FLRT2: variants seen among roughly 807,000 people sequenced by gnomAD.
The protein encoded by FLRT2 is fibronectin leucine rich transmembrane protein 2, also known as leucine-rich repeat transmembrane protein FLRT2.
A neutral mutation model predicts 40.0 loss-of-function variants in FLRT2; 15 were observed. The ratio of observed to expected loss-of-function variants is 0.38; its 90% CI spans 0.25 to 0.58. FLRT2 has a LOEUF of 0.58. Among genes scored for constraint, FLRT2 ranks in the 20% least tolerant of loss-of-function variants. The probability of loss-of-function intolerance (pLI) is 0.71; values close to 1 mark genes in which losing one functional copy is unlikely to be tolerated. For missense variants in FLRT2, 726 were observed against 840.0 expected, an observed-to-expected ratio of 0.86 and a Z score of 1.68; for synonymous variants, 380 against 336.8, an observed-to-expected ratio of 1.13 and a Z score of -1.41.
rs1362053310 is a variant in FLRT2, at chr14:85,643,357, TCC to T, written c.*19861_*19862del. The T allele has an allele frequency of 9.5e-5, 12 of 126,386 alleles. No individual in the cohort carries two copies. Among genetic ancestry groups the T allele is most frequent in the South Asian group, 2.9e-4 (1 of 3,472 alleles). The allele number at this position is 126,386 out of a possible 1,614,324, so 7.8% of individuals were successfully genotyped here. ...TTTCTTTCTTTCTTTCTTTCTTTCT[TCC>T]TTCCTTCCTTCCTTCCTTTCTTTCC... On this transcript the variant is annotated 3_prime_UTR_variant, in exon 2 of 2. Coordinates refer to ENST00000330753, the MANE Select transcript of FLRT2 (RefSeq NM_013231.6).
rs1312534765 is a variant in FLRT2, at chr14:85,646,066, A to T, written c.*22569A>T. 1 of 152,202 alleles carries T rather than the reference A, an allele frequency of 6.6e-6. No individual in the cohort carries two copies. Among genetic ancestry groups the T allele is most frequent in the African/African-American group, 2.4e-5 (1 of 41,452 alleles). The allele number at this position is 152,202 out of a possible 1,614,324, so 9.4% of individuals were successfully genotyped here. The stretch of plus-strand genomic sequence containing the variant: ...CTGTTTACTTACTTAATGGGACATT[A>T]TTATGGTGACCCATACAACATCACT... On this transcript the variant is annotated 3_prime_UTR_variant, in exon 2 of 2. Transcript: ENST00000330753.
At position 85,624,530 on chromosome 14, in the gene FLRT2, T is replaced by G. The variant is rs1893582624; in HGVS notation, c.*1033T>G. 6.0e-6 allele frequency: 1 copy of G among 167,064 alleles called. No individual in the cohort carries two copies. The highest frequency in any genetic ancestry group is 6.5e-5 in the Admixed American group (1 of 15,282). The allele number at this position is 167,064 out of a possible 1,614,324, so 10.3% of individuals were successfully genotyped here. A position where few individuals can be genotyped will look rare whatever the true frequency, so the allele number is the denominator to read the frequency against. On this transcript the variant is annotated 3_prime_UTR_variant, in exon 2 of 2. Transcript: ENST00000330753. ...ATTTAAAAATTACCCTTCCTGCTAT[T>G]TAGACAAAAACAACTGATCAGTGGT...
chr14:85,553,414 T>A (rs536138956), intron 1 of FLRT2, among the ~76,000 whole-genome samples: 1 of 152,228 alleles, frequency 6.6e-6, no homozygotes, highest in African/African-American at 2.4e-5. Flanking sequence ...TGGGGCCATA[T>A]TGGAAGAAGA....
chr14:85,542,978 C>G (rs188779283), intron 1 of FLRT2, among the ~76,000 whole-genome samples: 2 of 152,330 alleles, frequency 1.3e-5, no homozygotes, highest in Admixed American at 6.5e-5. Context: ...CTTGACCTAT[C>G]TACCTGAATT....
intron 1 of FLRT2, among the ~76,000 whole-genome samples, chr14:85,547,303 T>C (rs1889331811): frequency 6.8e-6 from 1 of 147,520 alleles, no homozygotes; most frequent in Non-Finnish European, 1.5e-5. Context: ...TACCAAATAC[T>C]TTGTCTTTCT....
intron 1 of FLRT2, among the ~76,000 whole-genome samples, chr14:85,588,017 G>A (rs982601392): frequency 4.0e-5 from 6 of 151,500 alleles, no homozygotes; most frequent in Admixed American, 1.3e-4. Context: ...CCGCAATCTC[G>A]GCCTCCCGGG....
intron 1 of FLRT2, among the ~76,000 whole-genome samples, chr14:85,557,823 T>C (rs1890064528): frequency 6.6e-6 from 1 of 151,236 alleles, no homozygotes; most frequent in South Asian, 2.1e-4. Context: ...TTTCAATAAA[T>C]AAATAAATTA....
intron 1 of FLRT2, among the ~76,000 whole-genome samples, chr14:85,580,908 T>C (rs1891359498): frequency 6.6e-6 from 1 of 152,180 alleles, no homozygotes; most frequent in South Asian, 2.1e-4. Context: ...AAGTACCTGG[T>C]GTACATCCTA....
chr14:85,622,597 C>T lies in FLRT2; in HGVS notation c.1083C>T (p.Pro361=), dbSNP rs376847848. Residue 361 remains proline (P), a synonymous_variant, in exon 2 of 2, where the codon CCC becomes CCT. Transcript: ENST00000330753. The stretch of plus-strand genomic sequence containing the variant: ...TAAATATGAATCTTTTGTCCTGTCC[C>T]ACCACGACCCCCGGCCTGCCTCTCT... ...RELNMNLLSC[P]TTTPGLPLFT... The T allele has an allele frequency of 9.2e-5, 148 of 1,613,404 alleles. No homozygotes were observed. The highest frequency in any genetic ancestry group is 1.3e-4 in the Non-Finnish European group (148 of 1,179,946).
intron 1 of FLRT2, among the ~76,000 whole-genome samples, chr14:85,589,759 T>C (rs1321616408): frequency 6.6e-6 from 1 of 152,200 alleles, no homozygotes; most frequent in Non-Finnish European, 1.5e-5. Flanking sequence ...GATTTAAGTC[T>C]TTGATAGATT....
intron 1 of FLRT2, among the ~76,000 whole-genome samples, chr14:85,597,296 C>T (rs946258918): frequency 1.3e-5 from 2 of 152,134 alleles, no homozygotes; most frequent in Non-Finnish European, 2.9e-5. Flanking sequence ...ATATACAATA[C>T]TCCATACATA....
intron 1 of FLRT2, among the ~76,000 whole-genome samples, chr14:85,610,470 G>A (rs375334609): frequency 7.9e-5 from 12 of 152,092 alleles, no homozygotes; most frequent in Non-Finnish European, 1.3e-4. Flanking sequence ...TTTCATTGCC[G>A]TGAGAATAGA....
At chr14:85,615,242 T>C (rs1160943903) in intron 1 of FLRT2, among the ~76,000 whole-genome samples, 1 of 152,208 alleles carries the variant, frequency 6.6e-6, no homozygotes, top group Non-Finnish European at 1.5e-5. Flanking sequence ...GTAGTGAAAG[T>C]GTCTTCAATT....
Position 85,637,802 on chromosome 14 carries a change from G to C in FLRT2, c.*14305G>C, listed in dbSNP as rs1894045585. The C allele has an allele frequency of 6.6e-6, 1 of 152,066 alleles. No homozygotes were observed. Among genetic ancestry groups the C allele is most frequent in the African/African-American group, 2.4e-5 (1 of 41,390 alleles). The allele number at this position is 152,066 out of a possible 1,614,324, so 9.4% of individuals were successfully genotyped here. On this transcript the variant is annotated 3_prime_UTR_variant, in exon 2 of 2. Transcript: ENST00000330753. ...TCTGTGGATGTCTCTGAAAAAGCTG[G>C]CAGGGCACACACTCTTGCAAATTTT...
Position 85,625,429 on chromosome 14 carries a change from A to G in FLRT2, c.*1932A>G, listed in dbSNP as rs1893636640. On this transcript the variant is annotated 3_prime_UTR_variant, in exon 2 of 2. Coordinates refer to ENST00000330753, the MANE Select transcript of FLRT2 (RefSeq NM_013231.6). ...TTTCTTTAATAATATAGCCCAACTTATATGTTTTAATCTCCCTTGTCCCTC... is the reference window on the plus strand; with the variant it reads ...TTTCTTTAATAATATAGCCCAACTTGTATGTTTTAATCTCCCTTGTCCCTC... 1.2e-5 allele frequency: 2 copies of G among 167,070 alleles called. No homozygotes were observed. Among genetic ancestry groups the G allele is most frequent in the Non-Finnish European group, 1.5e-5 (1 of 68,110 alleles). The allele number at this position is 167,070 out of a possible 1,614,324, so 10.3% of individuals were successfully genotyped here. A position where few individuals can be genotyped will look rare whatever the true frequency, so the allele number is the denominator to read the frequency against.
At chr14:85,544,451 G>T (rs1183908575) in intron 1 of FLRT2, among the ~76,000 whole-genome samples, 2 of 152,170 alleles carry the variant, frequency 1.3e-5, no homozygotes, top group Non-Finnish European at 2.9e-5. Flanking sequence ...CAAAGCAAAG[G>T]TCTTGTGAAA....
chr14:85,548,438 C>T (rs982993271), intron 1 of FLRT2, among the ~76,000 whole-genome samples: 1 of 152,126 alleles, frequency 6.6e-6, no homozygotes, highest in Non-Finnish European at 1.5e-5. Flanking sequence ...ATTTTTAAAA[C>T]CTGTACTCTT....
intron 1 of FLRT2, among the ~76,000 whole-genome samples, chr14:85,546,381 T>C (rs12889429): frequency 0.3 from 45,379 of 152,046 alleles, 7,271 homozygotes; most frequent in Middle Eastern, 0.42. Context: ...CTGCTCATTA[T>C]CTGTCAAGAG....
chr14:85,539,866 C>A (rs1399330834), intron 1 of FLRT2, among the ~76,000 whole-genome samples: 1 of 152,190 alleles, frequency 6.6e-6, no homozygotes, highest in Non-Finnish European at 1.5e-5. Flanking sequence ...CTTACGGCCT[C>A]AAGAGATATC....
Sources: gnomAD v4.1 joint callset for allele counts (sites outside exome capture counted in the v4.1 genomes callset) on GRCh38, gnomAD v4.1.1 for gene constraint, MANE v1.5 for transcripts, NCBI Gene and HGNC (gene_info 2026-07-23, HGNC 2026-07-21) for gene names.